Variants in DCDC1 observed in about 807,000 individuals in gnomAD.
DCDC1 encodes the protein doublecortin domain containing 1.
In DCDC1, 200 loss-of-function variants were observed where a neutral mutation model predicts 178.3. The observed-to-expected ratio is 1.12, with a 90% CI of 1.00 to 1.26. The LOEUF (loss-of-function observed/expected upper bound fraction) is 1.26. Ranked by LOEUF, DCDC1 falls within the 50% of genes most tolerant of loss-of-function variation. The pLI is 0.00. For synonymous variants in DCDC1, 690 were observed against 604.8 expected (o/e 1.14, Z -2.07); for missense variants, 1,983 against 1,749.2 (o/e 1.13, Z -2.38).
chr11:30,878,051 C>T (rs540017883), intron 38 of DCDC1, among the ~76,000 whole-genome samples: 6 of 152,138 alleles, frequency 3.9e-5, no homozygotes, highest in Non-Finnish European at 7.4e-5. Context: ...GAAAATCCAC[C>T]GAAGATAGTT....
intron 2 of DCDC1, among the ~76,000 whole-genome samples, chr11:31,330,541 T>A (rs1018865100): frequency 8.5e-5 from 13 of 152,234 alleles, no homozygotes; most frequent in Admixed American, 8.5e-4. Context: ...GTCTAACATT[T>A]AAGTTTTTAA....
At chr11:31,300,382 A>G (rs1310151426) in intron 6 of DCDC1, among the ~76,000 whole-genome samples, 1 of 152,170 alleles carries the variant, frequency 6.6e-6, no homozygotes. Flanking sequence ...TGTTTATAAG[A>G]TGGTATTCTC....
intron 20 of DCDC1, among the ~76,000 whole-genome samples, chr11:30,984,239 G>A (rs536073769): frequency 4.7e-4 from 71 of 152,190 alleles, no homozygotes; most frequent in African/African-American, 1.7e-3. Context: ...GTGTGCGAGC[G>A]CAGGTGTGTG....
intron 7 of DCDC1, among the ~76,000 whole-genome samples, chr11:31,270,216 C>T (rs921412219): frequency 1.4e-4 from 22 of 152,126 alleles, no homozygotes; most frequent in African/African-American, 5.3e-4. Flanking sequence ...TTTTGAATTC[C>T]TAAAACAGAA....
chr11:31,135,904 C>T (rs545261331), intron 10 of DCDC1, among the ~76,000 whole-genome samples: 4 of 152,048 alleles, frequency 2.6e-5, no homozygotes, highest in South Asian at 2.1e-4. Context: ...TTTAAAACTA[C>T]GTATTTGCTA....
chr11:30,965,425 A>G (rs1243217208), intron 20 of DCDC1, among the ~76,000 whole-genome samples: 1 of 152,022 alleles, frequency 6.6e-6, no homozygotes, highest in Admixed American at 6.6e-5. Context: ...CAATCCCACA[A>G]TGAGTAGAGG....
chr11:30,986,838 TATA>T (rs1950676970), intron 20 of DCDC1, among the ~76,000 whole-genome samples: 2 of 152,066 alleles, frequency 1.3e-5, no homozygotes, highest in African/African-American at 4.8e-5. Flanking sequence ...AAATTCCAAA[TATA>T]ATAGAGTAAA....
chr11:31,095,396 CCCA>C (rs1350012947), intron 15 of DCDC1, among the ~76,000 whole-genome samples: 5 of 152,166 alleles, frequency 3.3e-5, no homozygotes, highest in Admixed American at 2.6e-4. Flanking sequence ...AATTTACACT[CCCA>C]CCAACAGTGT....
intron 20 of DCDC1, among the ~76,000 whole-genome samples, chr11:31,022,640 AGTTT>A (rs1158420217): frequency 1.2e-4 from 7 of 56,304 alleles, no homozygotes; most frequent in African/African-American, 3.8e-4. Context: ...AGTGTCTTTT[AGTTT>A]GTGTGTGTGT....
chr11:31,169,219 A>C (rs1436908402), intron 9 of DCDC1, among the ~76,000 whole-genome samples: 1 of 152,062 alleles, frequency 6.6e-6, no homozygotes, highest in Non-Finnish European at 1.5e-5. Context: ...AACAACATAC[A>C]CTGGGGCCTG....
chr11:31,120,243 TAGAA>T (rs1382108811), intron 11 of DCDC1, among the ~76,000 whole-genome samples: 4 of 152,244 alleles, frequency 2.6e-5, no homozygotes, highest in Admixed American at 1.3e-4. Context: ...AATATAAAAA[TAGAA>T]AGCCTAAAAA....
At chr11:31,332,457 T>A (rs929191160) in intron 2 of DCDC1, among the ~76,000 whole-genome samples, 1 of 152,224 alleles carries the variant, frequency 6.6e-6, no homozygotes, top group Non-Finnish European at 1.5e-5. Flanking sequence ...TCTAGTTCTT[T>A]TAATTGTGAT....
At chr11:31,340,333 T>C (rs759307645) in intron 1 of DCDC1, among the ~76,000 whole-genome samples, 2 of 152,006 alleles carry the variant, frequency 1.3e-5, no homozygotes, top group Non-Finnish European at 2.9e-5. Flanking sequence ...TATGTGGTTC[T>C]GAGAGAGAGG....
chr11:31,244,957 T>C (rs1056875490), intron 8 of DCDC1, among the ~76,000 whole-genome samples: 1 of 151,762 alleles, frequency 6.6e-6, no homozygotes, highest in African/African-American at 2.4e-5. Flanking sequence ...GTGAGCATCA[T>C]AGGTAAACAG....
At chr11:31,356,912 C>G (rs1405736990) in intron 1 of DCDC1, among the ~76,000 whole-genome samples, 1 of 152,098 alleles carries the variant, frequency 6.6e-6, no homozygotes, top group Non-Finnish European at 1.5e-5. Context: ...CTGAATAGAC[C>G]AACAACAGGA....
At chr11:30,984,883 T>A (rs985239499) in intron 20 of DCDC1, among the ~76,000 whole-genome samples, 1 of 152,190 alleles carries the variant, frequency 6.6e-6, no homozygotes, top group African/African-American at 2.4e-5. Flanking sequence ...AGGAGAAAAC[T>A]GGGAATGGCA....
At chr11:31,350,426 C>T (rs565878897) in intron 1 of DCDC1, among the ~76,000 whole-genome samples, 17 of 152,002 alleles carry the variant, frequency 1.1e-4, no homozygotes, top group African/African-American at 4.1e-4. Flanking sequence ...GTATGTTAAG[C>T]TCCTAGATAT....
rs1950466666 is a variant in DCDC1, at chr11:30,982,958, C to CCAT, written c.2592-30393_2592-30391dup. On this transcript the variant is annotated intron_variant, in intron 20 of 38. Coordinates refer to ENST00000684477, the MANE Select transcript of DCDC1 (RefSeq NM_001387274.1). The stretch of plus-strand genomic sequence containing the variant: ...TGCAAATAAGGGCCCGACCGTGCTC[C>CCAT]CATCTCACCTGAATCATCCGGATCA... 2.6e-5 allele frequency among the ~76,000 whole-genome samples: 4 copies of CCAT among 152,060 alleles called. No homozygotes were observed. The South Asian group carries it at 8.3e-4, about 32-fold the overall frequency.
intron 21 of DCDC1, among the ~76,000 whole-genome samples, chr11:30,935,479 C>T (rs1452428803): frequency 1.3e-5 from 2 of 152,276 alleles, no homozygotes; most frequent in East Asian, 3.9e-4. Context: ...TTTTGGCCTT[C>T]TCTTCTTTGT....
Sources: allele counts gnomAD v4.1 joint callset (sites outside exome capture counted in the v4.1 genomes callset), GRCh38; gene constraint gnomAD v4.1.1; transcripts MANE v1.5; gene names NCBI Gene and HGNC (gene_info 2026-07-23, HGNC 2026-07-21).